Variants in CACNA1D observed in about 807,000 individuals in gnomAD.
CACNA1D encodes calcium voltage-gated channel subunit alpha1 D, also known as voltage-dependent L-type calcium channel subunit alpha-1D.
In CACNA1D, 55 loss-of-function variants were observed where a neutral mutation model predicts 257.1. That is an observed-to-expected ratio of 0.21 (90% confidence interval 0.17 to 0.27). CACNA1D has a LOEUF of 0.27. Among genes scored for constraint, CACNA1D ranks in the 10% least tolerant of loss-of-function variants. The pLI is 1.00. For synonymous variants in CACNA1D, 980 were observed against 1,014.9 expected (o/e 0.97, Z 0.65); for missense variants, 1,876 against 2,784.0 (o/e 0.67, Z 7.34).
At chr3:53,718,612 A>G (rs949393340) in intron 10 of CACNA1D, 23 of 959,254 alleles carry the variant, frequency 2.4e-5, no homozygotes, top group Non-Finnish European at 3.4e-5. Context: ...AGCATTTCAC[A>G]TGCCTCTTCC....
chr3:53,733,904 A>G (rs1024752261), intron 19 of CACNA1D, among the ~76,000 whole-genome samples: 2 of 145,360 alleles, frequency 1.4e-5, no homozygotes, highest in South Asian at 2.3e-4. Flanking sequence ...GCTGACACCT[A>G]CAGCCCTTTG....
In CACNA1D at chr3:53,495,733, G is replaced by C. The variant is rs545875786; in HGVS notation, c.67+500G>C. 6.6e-6 allele frequency among the ~76,000 whole-genome samples: 1 copy of C among 152,344 alleles called. No homozygotes were observed. The highest frequency in any genetic ancestry group is 2.1e-4 in the South Asian group (1 of 4,832). On this transcript the variant is annotated intron_variant, in intron 1 of 47. Coordinates refer to ENST00000350061, the MANE Select transcript of CACNA1D (RefSeq NM_001128840.3). This position sits in a 1 kb window ranked among gnomAD's most constrained non-coding sequence, Gnocchi z 5.1. ...GTGGGTGAAGCACACCCATCCCCTC[G>C]CGGGGGAGGCCCGGCCTCGGTATCG...
intron 46 of CACNA1D, 126 bp from the exon 47 acceptor site, chr3:53,809,852 C>G: frequency 1.2e-6 from 1 of 843,634 alleles, no homozygotes; most frequent in Non-Finnish European, 2.1e-6. Flanking sequence ...GTGCCCATGT[C>G]CTTTCCAAGT....
At chr3:53,531,727 A>C (rs1411310969) in intron 3 of CACNA1D, among the ~76,000 whole-genome samples, 1 of 152,142 alleles carries the variant, frequency 6.6e-6, no homozygotes, top group Non-Finnish European at 1.5e-5. Flanking sequence ...CTGTATCTCA[A>C]CTTTCTTCTT....
At chr3:53,704,553 A>C (rs952648310) in intron 9 of CACNA1D, among the ~76,000 whole-genome samples, 7 of 152,168 alleles carry the variant, frequency 4.6e-5, no homozygotes, top group African/African-American at 1.7e-4. Flanking sequence ...TGTCCTCTGC[A>C]CAGCTCTCCC....
At position 53,802,048 on chromosome 3, in the gene CACNA1D, C is replaced by A; in HGVS notation, c.5409-99C>A. 3.8e-6 allele frequency: 4 copies of A among 1,048,028 alleles called. No individual in the cohort carries two copies. In the South Asian group the frequency reaches 5.0e-5, roughly 13 times the overall value. 64.9% of individuals were successfully genotyped at this position (1,048,028 alleles called of 1,614,324 possible). A position where few individuals can be genotyped will look rare whatever the true frequency, so the allele number is the denominator to read the frequency against. ...GGATGGCGAATCATAATTTGCTAACCCCTACTCTAGGAGGTAGCCTGATGT... is the reference window on the plus strand; with the variant it reads ...GGATGGCGAATCATAATTTGCTAACACCTACTCTAGGAGGTAGCCTGATGT... On this transcript the variant is annotated intron_variant, in intron 42 of 47. Coordinates refer to ENST00000350061, the MANE Select transcript of CACNA1D (RefSeq NM_001128840.3).
chr3:53,794,328 A>G (rs1468029211), intron 40 of CACNA1D, among the ~76,000 whole-genome samples: 1 of 152,142 alleles, frequency 6.6e-6, no homozygotes, highest in Admixed American at 6.5e-5. Context: ...GGGTGGGTAG[A>G]AACCCAGGTG....
chr3:53,541,434 G>C (rs2092294089), intron 3 of CACNA1D, among the ~76,000 whole-genome samples: 1 of 152,162 alleles, frequency 6.6e-6, no homozygotes, highest in Non-Finnish European at 1.5e-5. Flanking sequence ...ATAATAGTTT[G>C]GAGCAAATTT....
chr3:53,723,945 A>C lies in CACNA1D; in HGVS notation c.2046A>C (p.Gln682His). The C allele has an allele frequency of 3.1e-6, 5 of 1,614,196 alleles. No homozygotes were observed. The highest frequency in any genetic ancestry group is 4.2e-6 in the Non-Finnish European group (5 of 1,180,030). Residue 682 changes from glutamine to histidine, a missense_variant, in exon 14 of 48, where the codon CAA becomes CAC. Transcript: ENST00000350061. The surrounding 1 kb of genome is among the most constrained non-coding windows in gnomAD (Gnocchi z 5.6). ...GCAAGTTTAATTTTGATGAAACGCA[A>C]ACCAAGCGGAGCACCTTTGACAATT... ...FGGKFNFDET[Q>H]TKRSTFDNFP...
At chr3:53,500,343 A>G (rs1360333902) in intron 2 of CACNA1D, among the ~76,000 whole-genome samples, 1 of 142,692 alleles carries the variant, frequency 7.0e-6, no homozygotes, top group Non-Finnish European at 1.5e-5. Context: ...AGGTGGGAGG[A>G]TGGCTGGCTT....
At chr3:53,589,376 C>T (rs549022110) in intron 3 of CACNA1D, among the ~76,000 whole-genome samples, 23 of 152,168 alleles carry the variant, frequency 1.5e-4, no homozygotes, top group Non-Finnish European at 5.9e-5. Flanking sequence ...AGCTCTCAGC[C>T]GTCCCGAGTG....
intron 4 of CACNA1D, among the ~76,000 whole-genome samples, chr3:53,657,489 A>G (rs915266321): frequency 2.0e-5 from 3 of 152,170 alleles, no homozygotes; most frequent in African/African-American, 7.2e-5. Flanking sequence ...AGGCTTATGC[A>G]TTTTTCAAAA....
At chr3:53,696,207 A>T (rs1038676893) in intron 8 of CACNA1D, among the ~76,000 whole-genome samples, 2 of 152,136 alleles carry the variant, frequency 1.3e-5, no homozygotes, top group Non-Finnish European at 2.9e-5. Context: ...GCCTCAAGCA[A>T]TCCTCCCACC....
At position 53,609,781 on chromosome 3, in the gene CACNA1D, G is replaced by A. The variant is rs9809645; in HGVS notation, c.484-40998G>A. Among the ~76,000 whole-genome samples the A allele has an allele frequency of 9.1e-3, 1,385 of 152,106 alleles. 31 individuals carry two copies. Among genetic ancestry groups the A allele is most frequent in the African/African-American group, 0.031 (1,284 of 41,486 alleles). On this transcript the variant is annotated intron_variant, in intron 3 of 47. Transcript: ENST00000350061. ...AGTTTCATTTACTTTTGCGCTTGCC[G>A]TTGTTTTTTCCTTCTTTCTACTATT... is the stretch of plus-strand genomic sequence containing the variant.
At chr3:53,803,306 G>C in intron 43 of CACNA1D, 117 bp from the exon 44 acceptor site, 1 of 1,077,786 alleles carries the variant, frequency 9.3e-7, no homozygotes, top group Non-Finnish European at 1.4e-6. Context: ...AGGCAGGTGC[G>C]CGCTGGGAGA....
At chr3:53,544,313 A>G (rs1311649657) in intron 3 of CACNA1D, among the ~76,000 whole-genome samples, 1 of 152,198 alleles carries the variant, frequency 6.6e-6, no homozygotes, top group Non-Finnish European at 1.5e-5. Context: ...TAGAAATTAT[A>G]TAGTACAATA....
intron 14 of CACNA1D, among the ~76,000 whole-genome samples, chr3:53,725,032 A>G (rs1423902311): frequency 2.0e-5 from 3 of 148,440 alleles, no homozygotes; most frequent in Admixed American, 6.7e-5. Flanking sequence ...ATGCATGCAT[A>G]TGGCACAAAA....
At chr3:53,658,796 G>T (rs1440797799) in intron 4 of CACNA1D, among the ~76,000 whole-genome samples, 3 of 152,222 alleles carry the variant, frequency 2.0e-5, no homozygotes, top group African/African-American at 7.2e-5. Flanking sequence ...GTCATAACTA[G>T]GGAGAGCTCA....
intron 14 of CACNA1D, among the ~76,000 whole-genome samples, chr3:53,726,324 G>A (rs1223085771): frequency 6.6e-6 from 1 of 152,174 alleles, no homozygotes; most frequent in African/African-American, 2.4e-5. Flanking sequence ...CTAAAACTGG[G>A]CTGGGGTGTA....
Sources: allele counts gnomAD v4.1 joint callset (sites outside exome capture counted in the v4.1 genomes callset), GRCh38; gene constraint gnomAD v4.1.1; non-coding constraint Gnocchi (gnomAD v3.1); transcripts MANE v1.5; gene names NCBI Gene and HGNC (gene_info 2026-07-23, HGNC 2026-07-21).